The following SLC6A3 variants were observed in gnomAD, a reference collection of about 807,000 sequenced individuals.
SLC6A3 encodes sodium-dependent dopamine transporter.
Under a neutral mutation model 70.4 loss-of-function variants are expected in SLC6A3, and 19 were observed. The ratio of observed to expected loss-of-function variants is 0.27; its 90% CI spans 0.19 to 0.40. The LOEUF is 0.40. Ranked by LOEUF, SLC6A3 falls within the 10% of genes least tolerant of loss-of-function variation. The pLI, the probability that SLC6A3 is intolerant of heterozygous loss-of-function variation, is 1.00. For synonymous variants in SLC6A3, 368 were observed against 356.6 expected, an observed-to-expected ratio of 1.03 and a Z score of -0.36; for missense variants, 613 against 838.5, an observed-to-expected ratio of 0.73 and a Z score of 3.32.
intron 4 of SLC6A3, among the ~76,000 whole-genome samples, chr5:1,428,394 A>G (rs1756618826): frequency 6.6e-6 from 1 of 152,250 alleles, no homozygotes; most frequent in South Asian, 2.1e-4. Flanking sequence ...TATAATTTAT[A>G]TTAGGCAGTG....
rs1178743892 is a variant in SLC6A3 at position 1,405,236 on chromosome 5, T to C, written c.1599+952A>G. On this transcript the variant is annotated intron_variant, in intron 12 of 14. Coordinates refer to ENST00000270349, the MANE Select transcript of SLC6A3 (RefSeq NM_001044.5). This position sits in a 1 kb window ranked among gnomAD's most constrained non-coding sequence, Gnocchi z 5.3. ...ATGCCGGGCAGGTTCTCTCACACTA[T>C]GTTGAGCTCCTCCGGGATAGGGCCT... Among the ~76,000 whole-genome samples the C allele has an allele frequency of 6.6e-6, 1 of 152,196 alleles. No individual in the cohort carries two copies. The highest frequency in any genetic ancestry group is 1.5e-5 in the Non-Finnish European group (1 of 68,024).
chr5:1,428,690 T>C (rs533918184), intron 4 of SLC6A3, among the ~76,000 whole-genome samples: 27 of 152,280 alleles, frequency 1.8e-4, no homozygotes, highest in Middle Eastern at 3.4e-3. Flanking sequence ...AGGATACGTT[T>C]CATTTGCCAA....
At chr5:1,428,058 T>A (rs1756612410) in intron 4 of SLC6A3, among the ~76,000 whole-genome samples, 1 of 151,836 alleles carries the variant, frequency 6.6e-6, no homozygotes, top group African/African-American at 2.4e-5. Flanking sequence ...TCTTTCTAGG[T>A]GCATGTGGAA....
chr5:1,414,365 C>T (rs1756202931), intron 8 of SLC6A3, among the ~76,000 whole-genome samples: 1 of 14,034 alleles, frequency 7.1e-5, no homozygotes, highest in Non-Finnish European at 2.0e-4. Context: ...AGGGTGGAGG[C>T]CCCGAGAGGC....
rs1356984979 is a variant in SLC6A3 at position 1,408,752 on chromosome 5, C to T, written c.1498+274G>A. Among the ~76,000 whole-genome samples, 3 of 152,208 alleles carry T rather than the reference C, an allele frequency of 2.0e-5. No individual in the cohort carries two copies. The highest frequency in any genetic ancestry group is 3.9e-4 in the East Asian group (2 of 5,192). ...GTTCCCCTGGGTGGGATGGGCTCAC[C>T]GGTGCCTCTAGCGTGGAGGAGGCAG... is the stretch of plus-strand genomic sequence containing the variant. On this transcript the variant is annotated intron_variant, in intron 11 of 14. Coordinates refer to ENST00000270349, the MANE Select transcript of SLC6A3 (RefSeq NM_001044.5). This position sits in a 1 kb window ranked among gnomAD's most constrained non-coding sequence, Gnocchi z 6.4.
chr5:1,426,993 G>A (rs1267589939), intron 4 of SLC6A3, among the ~76,000 whole-genome samples: 1 of 152,154 alleles, frequency 6.6e-6, no homozygotes, highest in Non-Finnish European at 1.5e-5. Flanking sequence ...ATACTTTTGT[G>A]TAAAGCCCAA....
At position 1,406,854 on chromosome 5, in the gene SLC6A3, T is replaced by A. The variant is rs1408789978; in HGVS notation, c.1499-566A>T. ...ACCATCTGCTTTTTGTCTCAATGAA[T>A]GTGACTCCTGTGGGAACCTCCCGTC... On this transcript the variant is annotated intron_variant, in intron 11 of 14. Coordinates refer to ENST00000270349, the MANE Select transcript of SLC6A3 (RefSeq NM_001044.5). The surrounding 1 kb of genome is among the most constrained non-coding windows in gnomAD (Gnocchi z 8.8). 6.7e-6 allele frequency among the ~76,000 whole-genome samples: 1 copy of A among 149,228 alleles called. No individual in the cohort carries two copies. The highest frequency in any genetic ancestry group is 2.4e-5 in the African/African-American group (1 of 41,162).
In SLC6A3 at chr5:1,394,466, T is replaced by C. The variant is rs1289132740; in HGVS notation, c.*269A>G. The C allele has an allele frequency of 5.1e-6, 3 of 585,242 alleles. No individual in the cohort carries two copies. The Admixed American group carries it at 8.5e-5, about 17-fold the overall frequency. 36.3% of individuals were successfully genotyped at this position (585,242 alleles called of 1,614,324 possible). On this transcript the variant is annotated 3_prime_UTR_variant, in exon 15 of 15. Coordinates refer to ENST00000270349, the MANE Select transcript of SLC6A3 (RefSeq NM_001044.5). The surrounding 1 kb of genome is among the most constrained non-coding windows in gnomAD (Gnocchi z 4.7). Reference sequence around the variant, plus strand: ...ACAGACAGCATGAAGTTAGACGTTTTTCTGCCCTGCAGGGACAACAACGGG... The same window carrying C: ...ACAGACAGCATGAAGTTAGACGTTTCTCTGCCCTGCAGGGACAACAACGGG...
chr5:1,397,443 C>T lies in SLC6A3; in HGVS notation c.1840-2685G>A, dbSNP rs1755747796. On this transcript the variant is annotated intron_variant, in intron 14 of 14. Coordinates refer to ENST00000270349, the MANE Select transcript of SLC6A3 (RefSeq NM_001044.5). This position sits in a 1 kb window ranked among gnomAD's most constrained non-coding sequence, Gnocchi z 4.7. ...GAGACTCCGTCTCAAAACAAACAAA[C>T]AAACAAACAAACAAACAAAAAAGAA... Among the ~76,000 whole-genome samples, 1 of 151,482 alleles carries T rather than the reference C, an allele frequency of 6.6e-6. No homozygotes were observed. The highest frequency in any genetic ancestry group is 2.3e-4 in the South Asian group (1 of 4,384).
At chr5:1,439,428 T>C (rs1241479481) in intron 3 of SLC6A3, among the ~76,000 whole-genome samples, 1 of 152,130 alleles carries the variant, frequency 6.6e-6, no homozygotes, top group Non-Finnish European at 1.5e-5. Flanking sequence ...GTCATAAGAT[T>C]CACTAAGCAG....
chr5:1,414,459 CGGGG>C lies in SLC6A3; in HGVS notation c.1156+228_1156+231del, dbSNP rs1560912937. Among the ~76,000 whole-genome samples, 227 of 72,532 alleles carry C rather than the reference CGGGG, an allele frequency of 3.1e-3. 1 individual carries two copies. The highest frequency in any genetic ancestry group is 9.3e-3 in the African/African-American group (164 of 17,572). The allele number at this position is 72,532 out of a possible 152,430, so 47.6% of individuals were successfully genotyped here. On this transcript the variant is annotated intron_variant, in intron 8 of 14. Transcript: ENST00000270349. Reference sequence around the variant, plus strand: ...GGGTGGGGGGCCGGGAGGGGCAGGGCGGGGAAGGCGCTGGGTGGGGGGCCTGGAG... The same window carrying C: ...GGGTGGGGGGCCGGGAGGGGCAGGGCAAGGCGCTGGGTGGGGGGCCTGGAG...
At chr5:1,427,147 A>G (rs1756590283) in intron 4 of SLC6A3, among the ~76,000 whole-genome samples, 1 of 152,270 alleles carries the variant, frequency 6.6e-6, no homozygotes, top group Non-Finnish European at 1.5e-5. Context: ...GGTAAATATA[A>G]AACATTTCTT....
At chr5:1,410,697 G>A (rs1404770043) in intron 9 of SLC6A3, among the ~76,000 whole-genome samples, 1 of 152,152 alleles carries the variant, frequency 6.6e-6, no homozygotes, top group South Asian at 2.1e-4. Flanking sequence ...GGAAAGCCAC[G>A]AGATATGAAG....
In SLC6A3 at chr5:1,405,715, G is replaced by C. The variant is rs117515401; in HGVS notation, c.1599+473C>G. 4.7e-4 allele frequency among the ~76,000 whole-genome samples: 71 copies of C among 152,370 alleles called. No homozygotes were observed. The East Asian group carries it at 9.8e-3, about 21-fold the overall frequency. On this transcript the variant is annotated intron_variant, in intron 12 of 14. Transcript: ENST00000270349. This position sits in a 1 kb window ranked among gnomAD's most constrained non-coding sequence, Gnocchi z 5.3. ...TCGGTGGCGGATGACAGAAGCAAGT[G>C]CCTACTGGACACAGTGATGCTGCTG...
In SLC6A3 at chr5:1,396,246, C is replaced by T. The variant is rs928205930; in HGVS notation, c.1840-1488G>A. The stretch of plus-strand genomic sequence containing the variant: ...CAGGGACCAGTCACGGTAGGTGAAA[C>T]GTAGCTATGGATACAAACATTTCTG... On this transcript the variant is annotated intron_variant, in intron 14 of 14. Coordinates refer to ENST00000270349, the MANE Select transcript of SLC6A3 (RefSeq NM_001044.5). The surrounding 1 kb of genome is among the most constrained non-coding windows in gnomAD (Gnocchi z 7.0). 3.3e-5 allele frequency among the ~76,000 whole-genome samples: 5 copies of T among 152,158 alleles called. No individual in the cohort carries two copies. The highest frequency in any genetic ancestry group is 2.1e-4 in the South Asian group (1 of 4,826).
intron 6 of SLC6A3, among the ~76,000 whole-genome samples, chr5:1,419,187 C>T (rs1756378018): frequency 6.6e-6 from 1 of 151,104 alleles, no homozygotes; most frequent in South Asian, 2.1e-4. Context: ...CAGCTACCTA[C>T]CTATCATCCA....
Position 1,411,336 on chromosome 5 carries a change from G to A in SLC6A3, c.1176C>T (p.Ile392=), listed in dbSNP as rs867588699. ...GCGTGGCGATGGCTTCCGGGTAGAT[G>A]ATGAAGATCAGCCCTGGCCCTGAAA... is the stretch of plus-strand genomic sequence containing the variant. The part of the protein sequence containing the change: ...VAKDGPGLIF[I]IYPEAIATLP... The change falls in exon 9 of 15, where the codon ATC becomes ATT. Residue 392 remains isoleucine (I), a synonymous_variant. Coordinates refer to ENST00000270349, the MANE Select transcript of SLC6A3 (RefSeq NM_001044.5). The surrounding 1 kb of genome is among the most constrained non-coding windows in gnomAD (Gnocchi z 6.5). 1 of 1,551,610 alleles carries A rather than the reference G, an allele frequency of 6.4e-7. No homozygotes were observed. Among genetic ancestry groups the A allele is most frequent in the Non-Finnish European group, 8.7e-7 (1 of 1,147,364 alleles).
intron 3 of SLC6A3, 30 bp downstream of exon 3, chr5:1,441,329 C>A: frequency 6.2e-7 from 1 of 1,613,856 alleles, no homozygotes; most frequent in Non-Finnish European, 8.5e-7. Context: ...CCGCGCTGCG[C>A]CAGGGTGAAG....
chr5:1,405,636 A>C lies in SLC6A3; in HGVS notation c.1599+552T>G, dbSNP rs1320599492. Among the ~76,000 whole-genome samples the C allele has an allele frequency of 6.6e-6, 1 of 152,130 alleles. No individual in the cohort carries two copies. Among genetic ancestry groups the C allele is most frequent in the Non-Finnish European group, 1.5e-5 (1 of 68,030 alleles). On this transcript the variant is annotated intron_variant, in intron 12 of 14. Transcript: ENST00000270349. The surrounding 1 kb of genome is among the most constrained non-coding windows in gnomAD (Gnocchi z 5.3). ...TGAAAGTGTGCGGCCACCTTCCAAC[A>C]AAACTCTATTTACAAACACCAGCGT...
Sources: gnomAD v4.1 joint callset for allele counts (sites outside exome capture counted in the v4.1 genomes callset) on GRCh38, gnomAD v4.1.1 for gene constraint, Gnocchi (gnomAD v3.1) non-coding constraint, MANE v1.5 for transcripts, NCBI Gene and HGNC (gene_info 2026-07-23, HGNC 2026-07-21) for gene names.